Variants in TRIM14 observed in about 807,000 individuals in gnomAD.
The protein encoded by TRIM14 is tripartite motif containing 14, also known as tripartite motif-containing protein 14.
A neutral mutation model predicts 44.5 loss-of-function variants in TRIM14; 28 were observed. That is an observed-to-expected ratio of 0.63 (90% CI 0.47 to 0.86). The LOEUF (loss-of-function observed/expected upper bound fraction) is 0.86. Among genes scored for constraint, TRIM14 ranks in the 40% least tolerant of loss-of-function variants. TRIM14 has a pLI of 0.00. For missense variants in TRIM14, 607 were observed against 611.1 expected, an observed-to-expected ratio of 0.99 and a Z score of 0.07; for synonymous variants, 299 against 269.2, an observed-to-expected ratio of 1.11 and a Z score of -1.08.
chr9:98,038,518 C>A, the TRIM14 span, among the ~76,000 whole-genome samples: 2 of 152,124 alleles, frequency 1.3e-5, no homozygotes, highest in African/African-American at 4.8e-5. Context: ...CAAAGTACTA[C>A]GTTACTTTAC....
chr9:98,093,814 C>T (rs564176034), intron 4 of TRIM14, among the ~76,000 whole-genome samples: 29 of 152,118 alleles, frequency 1.9e-4, no homozygotes, highest in Non-Finnish European at 4.0e-4. Flanking sequence ...GGCATGATCT[C>T]AACTCACTGC....
At chr9:98,055,123 G>A in the TRIM14 span, among the ~76,000 whole-genome samples, 38 of 152,226 alleles carry the variant, frequency 2.5e-4, no homozygotes, top group African/African-American at 7.7e-4. Flanking sequence ...AGGTTTAAGC[G>A]ATTCTCCTAC....
At chr9:98,103,523 T>C (rs1426535941) in intron 2 of TRIM14, among the ~76,000 whole-genome samples, 2 of 152,030 alleles carry the variant, frequency 1.3e-5, no homozygotes, top group Admixed American at 1.3e-4. Context: ...GACAATTTGT[T>C]CATGTATTAT....
rs1366254655 is a variant in TRIM14, at chr9:98,095,195, G to A, written c.538-166C>T. ...GCCTGCAGGAGCAGAGCCCTGGAGAGACCATACGGCATCCCTGAGGTGGGA... is the reference window on the plus strand; with the variant it reads ...GCCTGCAGGAGCAGAGCCCTGGAGAAACCATACGGCATCCCTGAGGTGGGA... On this transcript the variant is annotated intron_variant, in intron 3 of 5. Transcript: ENST00000341469. The surrounding 1 kb of genome is among the most constrained non-coding windows in gnomAD (Gnocchi z 4.1). 1.3e-5 allele frequency among the ~76,000 whole-genome samples: 2 copies of A among 152,248 alleles called. No individual in the cohort carries two copies. Among genetic ancestry groups the A allele is most frequent in the Admixed American group, 6.5e-5 (1 of 15,292 alleles).
Position 98,087,662 on chromosome 9 carries a change from G to T in TRIM14, c.1137C>A (p.Arg379=), listed in dbSNP as rs1482893368. ...GGTCGTCGCGGGGCCGCAGGCGGCT[G>T]CGCTGGCCGTCGTGGAAGGCCCAGT... ...LEYWAFHDGQ[R]SRLRPRDDLD... is the part of the protein sequence containing the mutation. Residue 379 remains arginine (R), a synonymous_variant, in exon 6 of 6, where the codon CGC becomes CGA. Coordinates refer to ENST00000341469, the MANE Select transcript of TRIM14 (RefSeq NM_014788.4). 1 of 1,603,460 alleles carries T rather than the reference G, an allele frequency of 6.2e-7. No homozygotes were observed. The highest frequency in any genetic ancestry group is 1.1e-5 in the South Asian group (1 of 90,726).
chr9:98,047,251 C>T, the TRIM14 span, among the ~76,000 whole-genome samples: 11 of 152,276 alleles, frequency 7.2e-5, no homozygotes, highest in East Asian at 7.7e-4. Flanking sequence ...CCATGTAAGA[C>T]GTGCCTTTTG....
downstream of TRIM14, chr9:98,081,912 G>C (rs557399128): frequency 1.3e-5 from 2 of 152,318 alleles, no homozygotes; most frequent in Admixed American, 6.5e-5. Context: ...AAACAGGAGA[G>C]AATTAGACCA....
chr9:98,051,603 T>C, the TRIM14 span, among the ~76,000 whole-genome samples: 2 of 152,168 alleles, frequency 1.3e-5, no homozygotes, highest in Non-Finnish European at 2.9e-5. Flanking sequence ...TAACAAATGA[T>C]GCCCTTCTAG....
chr9:98,045,575 G>C, the TRIM14 span, among the ~76,000 whole-genome samples: 1 of 152,170 alleles, frequency 6.6e-6, no homozygotes, highest in Admixed American at 6.5e-5. Flanking sequence ...TTTTTCTGTC[G>C]TAAACCTTCT....
the TRIM14 span, among the ~76,000 whole-genome samples, chr9:98,059,265 T>C: frequency 3.5e-4 from 53 of 152,152 alleles, no homozygotes; most frequent in Non-Finnish European, 5.6e-4. Context: ...CCTCGTGATC[T>C]GCCCACCTCG....
chr9:98,040,669 T>C, the TRIM14 span, among the ~76,000 whole-genome samples: 1 of 151,716 alleles, frequency 6.6e-6, no homozygotes, highest in Non-Finnish European at 1.5e-5. Flanking sequence ...CTTTTCTTTT[T>C]TTTTTTGAGA....
At position 98,087,463 on chromosome 9, in the gene TRIM14, C is replaced by G. The variant is rs780531441; in HGVS notation, c.*7G>C. Reference sequence around the variant, plus strand: ...GTACCTGGAGGCTGTCACGCCGGTCCTGGCCCCTAGGGCAGCCGGGGGATG... The same window carrying G: ...GTACCTGGAGGCTGTCACGCCGGTCGTGGCCCCTAGGGCAGCCGGGGGATG... On this transcript the variant is annotated 3_prime_UTR_variant, in exon 6 of 6. Transcript: ENST00000341469. 4 of 1,606,220 alleles carry G rather than the reference C, an allele frequency of 2.5e-6. No individual in the cohort carries two copies. In the East Asian group the frequency reaches 8.9e-5, roughly 36 times the overall value.
chr9:98,101,334 T>A (rs1826381654), intron 2 of TRIM14, among the ~76,000 whole-genome samples: 1 of 152,132 alleles, frequency 6.6e-6, no homozygotes, highest in African/African-American at 2.4e-5. Flanking sequence ...ATACAGTCTG[T>A]AAGGGTATGT....
At chr9:98,099,074 T>C (rs1345501835) in intron 3 of TRIM14, among the ~76,000 whole-genome samples, 4 of 152,126 alleles carry the variant, frequency 2.6e-5, no homozygotes, top group Non-Finnish European at 5.9e-5. Flanking sequence ...AGGAGTACCA[T>C]TGAGCCAGCT....
In TRIM14 at chr9:98,070,782, A is replaced by G. The variant is rs145876205; in HGVS notation, c.*29-1095T>C. On this transcript the variant is annotated intron_variant, in intron 6 of 6. Coordinates refer to the TRIM14 transcript ENST00000375098. ...AAAACCACATCAAAAAATAAAAATA[A>G]AAAAGATCTGCAGACTCTTTAGTAA... Among the ~76,000 whole-genome samples the G allele has an allele frequency of 4.7e-4, 72 of 151,680 alleles. 2 individuals are homozygous for G. The East Asian group carries it at 0.013, about 28-fold the overall frequency.
chr9:98,089,385 C>A (rs1371137513), intron 5 of TRIM14, among the ~76,000 whole-genome samples: 2 of 152,124 alleles, frequency 1.3e-5, no homozygotes, highest in Non-Finnish European at 2.9e-5. Context: ...TCATGTTGGC[C>A]AGGCTGGTCT....
chr9:98,068,924 A>G (rs191418019), downstream of TRIM14, among the ~76,000 whole-genome samples: 61 of 152,294 alleles, frequency 4.0e-4, no homozygotes, highest in Admixed American at 9.2e-4. Context: ...GAATGATCCA[A>G]TCACTCTAGA....
intron 3 of TRIM14, among the ~76,000 whole-genome samples, chr9:98,098,558 A>G (rs940532243): frequency 2.0e-5 from 3 of 151,938 alleles, no homozygotes; most frequent in African/African-American, 7.3e-5. Context: ...AAAAAATACA[A>G]AAAATTAGCT....
At position 98,086,521 on chromosome 9, in the gene TRIM14, A is replaced by C. The variant is rs1192512641; in HGVS notation, c.*949T>G. On this transcript the variant is annotated 3_prime_UTR_variant, in exon 6 of 6. Transcript: ENST00000341469. Reference sequence around the variant, plus strand: ...TCAGGGTGGAGAGAGTATAGGACAAAGCTGCCCTTCCAAAGCCTCCAATTT... The same window carrying C: ...TCAGGGTGGAGAGAGTATAGGACAACGCTGCCCTTCCAAAGCCTCCAATTT... The C allele has an allele frequency of 6.6e-6, 1 of 152,170 alleles. No individual in the cohort carries two copies. The highest frequency in any genetic ancestry group is 2.4e-5 in the African/African-American group (1 of 41,418). 9.4% of individuals were successfully genotyped at this position (152,170 alleles called of 1,614,324 possible).
Sources: allele counts gnomAD v4.1 joint callset (sites outside exome capture counted in the v4.1 genomes callset), GRCh38; gene constraint gnomAD v4.1.1; non-coding constraint Gnocchi (gnomAD v3.1); transcripts MANE v1.5; gene names NCBI Gene and HGNC (gene_info 2026-07-23, HGNC 2026-07-21).